The following RTN4 variants were observed in gnomAD, a reference collection of about 807,000 sequenced individuals.
RTN4 encodes the protein reticulon-4.
RTN4 carries 32 observed loss-of-function variants against 90.4 expected under a neutral mutation model. The observed-to-expected ratio is 0.35, with a 90% CI of 0.27 to 0.48. The LOEUF is 0.48. RTN4 is among the 20% of genes least tolerant of loss of function. The pLI, the probability that RTN4 is intolerant of heterozygous loss-of-function variation, is 0.99. For synonymous variants in RTN4, 629 were observed against 552.5 expected (o/e 1.14, Z -1.94); for missense variants, 1,706 against 1,430.2 (o/e 1.19, Z -3.11).
At chr2:55,018,940 A>G (rs1036673787) in intron 3 of RTN4, among the ~76,000 whole-genome samples, 1 of 152,152 alleles carries the variant, frequency 6.6e-6, no homozygotes, top group Non-Finnish European at 1.5e-5. Context: ...CCTTGGAGAA[A>G]TGGCTGATTC....
intron 3 of RTN4, among the ~76,000 whole-genome samples, chr2:54,993,074 G>GAAAA (rs1491430691): frequency 6.3e-5 from 5 of 78,956 alleles, no homozygotes; most frequent in Middle Eastern, 6.8e-3. Flanking sequence ...ACTCCATCTC[G>GAAAA]GAAAAAAAAA....
intron 5 of RTN4, among the ~76,000 whole-genome samples, chr2:54,981,245 C>G (rs957305530): frequency 6.6e-6 from 1 of 150,668 alleles, no homozygotes. Flanking sequence ...CTGAAAATAA[C>G]GTATCAACTA....
chr2:55,065,226 A>C (rs536630827), intron 2 of RTN4, among the ~76,000 whole-genome samples: 63 of 152,304 alleles, frequency 4.1e-4, no homozygotes, highest in South Asian at 1.0e-3. Context: ...TTACTAGAGC[A>C]TTTGCTTTTA....
At chr2:55,011,930 C>T (rs1369810489) in intron 3 of RTN4, among the ~76,000 whole-genome samples, 1 of 152,116 alleles carries the variant, frequency 6.6e-6, no homozygotes, top group Non-Finnish European at 1.5e-5. Flanking sequence ...ATTTGAGAAC[C>T]CGGTCAGCAA....
chr2:55,082,500 C>G (rs1668740772), intron 1 of RTN4, among the ~76,000 whole-genome samples: 2 of 152,200 alleles, frequency 1.3e-5, no homozygotes, highest in Admixed American at 1.3e-4. Flanking sequence ...TCACCCACCC[C>G]TGGCCAGGTA....
At chr2:55,102,537 T>G (rs984263724) in intron 1 of RTN4, among the ~76,000 whole-genome samples, 5 of 152,172 alleles carry the variant, frequency 3.3e-5, no homozygotes, top group African/African-American at 1.2e-4. Flanking sequence ...TTGATTTTTT[T>G]TTAATCATTT....
the RTN4 span, among the ~76,000 whole-genome samples, chr2:55,131,612 G>A: frequency 4.6e-5 from 7 of 152,286 alleles, no homozygotes; most frequent in African/African-American, 1.2e-4. Context: ...GGCAGGGCAC[G>A]GTGGCTCACA....
At chr2:55,136,080 A>G in the RTN4 span, among the ~76,000 whole-genome samples, 1 of 152,206 alleles carries the variant, frequency 6.6e-6, no homozygotes, top group Non-Finnish European at 1.5e-5. Context: ...AGCCAGTGCC[A>G]GAGCTTAAAG....
chr2:55,013,047 G>A (rs765614942), intron 3 of RTN4, among the ~76,000 whole-genome samples: 154 of 152,104 alleles, frequency 1.0e-3, no homozygotes, highest in Non-Finnish European at 1.9e-3. Flanking sequence ...CTTGCAGAAT[G>A]GCATTTTGAC....
intron 1 of RTN4, among the ~76,000 whole-genome samples, chr2:55,101,116 G>A (rs1174130889): frequency 2.0e-5 from 3 of 151,950 alleles, no homozygotes; most frequent in Non-Finnish European, 2.9e-5. Context: ...AGTTTGTATA[G>A]TAGGATTATA....
intron 1 of RTN4, among the ~76,000 whole-genome samples, chr2:55,085,177 A>C (rs749123099): frequency 8.5e-5 from 13 of 152,174 alleles, no homozygotes; most frequent in Non-Finnish European, 1.5e-4. Context: ...TCTCCAGAGA[A>C]ATAGAACTGT....
intron 5 of RTN4, among the ~76,000 whole-genome samples, chr2:54,978,709 T>TA (rs1379284867): frequency 6.6e-6 from 1 of 152,160 alleles, no homozygotes; most frequent in Non-Finnish European, 1.5e-5. Context: ...ATGAATCATA[T>TA]AAAATCAATG....
At chr2:54,988,876 G>A (rs1262102830) in intron 3 of RTN4, among the ~76,000 whole-genome samples, 1 of 152,218 alleles carries the variant, frequency 6.6e-6, no homozygotes, top group African/African-American at 2.4e-5. Flanking sequence ...ATCGGGTTAT[G>A]CTCAATGCAA....
chr2:55,085,005 G>A (rs1017755989), intron 1 of RTN4, among the ~76,000 whole-genome samples: 3 of 152,144 alleles, frequency 2.0e-5, no homozygotes, highest in African/African-American at 7.2e-5. Context: ...TGCCCAGGCT[G>A]GTCTTTTACT....
intron 2 of RTN4, among the ~76,000 whole-genome samples, chr2:55,062,299 A>G (rs911184167): frequency 2.0e-5 from 3 of 152,116 alleles, no homozygotes; most frequent in Non-Finnish European, 2.9e-5. Flanking sequence ...TGTCCTTGCA[A>G]TAAGGCAGGG....
intron 1 of RTN4, among the ~76,000 whole-genome samples, chr2:55,085,038 G>T (rs1413510706): frequency 6.6e-6 from 1 of 152,190 alleles, no homozygotes; most frequent in Non-Finnish European, 1.5e-5. Flanking sequence ...CGATCCTCCT[G>T]CCTTGACCTC....
chr2:54,974,969 A>G (rs1558750536), intron 5 of RTN4, among the ~76,000 whole-genome samples: 1 of 152,182 alleles, frequency 6.6e-6, no homozygotes, highest in Non-Finnish European at 1.5e-5. Flanking sequence ...GATTTGACCC[A>G]TTTTCTCTGG....
intron 3 of RTN4, among the ~76,000 whole-genome samples, chr2:55,019,904 AAAC>A (rs894513753): frequency 2.6e-4 from 39 of 152,188 alleles, no homozygotes; most frequent in African/African-American, 9.2e-4. Context: ...GTCTTTACAC[AAAC>A]AACAAACTAG....
At chr2:55,113,588 C>T (rs1236479239), upstream of RTN4, among the ~76,000 whole-genome samples, 4 of 152,152 alleles carry the variant, frequency 2.6e-5, no homozygotes, top group African/African-American at 7.2e-5. Context: ...TATGGATTTC[C>T]GTCCAGCAAG....
Sources: gnomAD v4.1 joint callset for allele counts (sites outside exome capture counted in the v4.1 genomes callset) on GRCh38, gnomAD v4.1.1 for gene constraint, MANE v1.5 for transcripts, NCBI Gene and HGNC (gene_info 2026-07-23, HGNC 2026-07-21) for gene names.